Variants in C12orf76 observed in about 807,000 individuals in gnomAD.
C12orf76 encodes uncharacterized protein C12orf76.
A neutral mutation model predicts 6.8 loss-of-function variants in C12orf76; 6 were observed. That is an observed-to-expected ratio of 0.88 (90% confidence interval 0.48 to 1.73). C12orf76 has a LOEUF of 1.73. Ranked by LOEUF, C12orf76 falls within the 40% of genes most tolerant of loss-of-function variation. C12orf76 has a pLI of 0.01. For missense variants in C12orf76, 99 were observed against 98.2 expected (o/e 1.01, Z -0.03); for synonymous variants, 56 against 43.7 (o/e 1.28, Z -1.11).
At chr12:110,073,183 G>C (rs927054315) in intron 1 of C12orf76, among the ~76,000 whole-genome samples, 1 of 152,020 alleles carries the variant, frequency 6.6e-6, no homozygotes, top group Admixed American at 6.6e-5. Context: ...TCTCCCTGGC[G>C]GGCCTGGAGT....
chr12:110,055,397 G>C (rs1892650788), intron 4 of C12orf76, among the ~76,000 whole-genome samples: 1 of 152,060 alleles, frequency 6.6e-6, no homozygotes, highest in African/African-American at 2.4e-5. Flanking sequence ...AGTAGAGACA[G>C]GGTTTCACCA....
At chr12:110,066,073 T>C (rs1892853721) in intron 1 of C12orf76, 1 of 1,476,456 alleles carries the variant, frequency 6.8e-7, no homozygotes, top group Non-Finnish European at 9.0e-7. Context: ...GCAGACCTCA[T>C]GTTTCTATTT....
chr12:110,048,392 G>A lies in C12orf76; in HGVS notation c.104C>T (p.Pro35Leu), dbSNP rs569766304. 2.0e-5 allele frequency: 30 copies of A among 1,515,986 alleles called. No homozygotes were observed. The highest frequency in any genetic ancestry group is 1.0e-4 in the Admixed American group (5 of 49,246). 93.9% of individuals were successfully genotyped at this position (1,515,986 alleles called of 1,614,324 possible). The change falls in exon 1 of 2, where the codon CCG (proline) becomes CTG (leucine). Residue 35 changes from proline to leucine, a missense_variant. Physicochemically the swap from Pro to Leu is moderately conservative, Grantham distance 98 (BLOSUM62 -3). Coordinates refer to ENST00000615315, the MANE Select transcript of C12orf76 (RefSeq NM_001389625.1). ...GTTCTGCCCTCGCAGCACCGCGTACGGCCGGCTCCGCTCCAGCGGATCCAC... is the reference window on the plus strand; with the variant it reads ...GTTCTGCCCTCGCAGCACCGCGTACAGCCGGCTCCGCTCCAGCGGATCCAC... Reference protein sequence around the residue: ...SPVDPLERSRPYAVLRGQNLV... With the variant: ...SPVDPLERSRLYAVLRGQNLV...
chr12:110,050,941 C>A, upstream of C12orf76: 1 of 701,116 alleles, frequency 1.4e-6, no homozygotes, highest in South Asian at 1.5e-5. Context: ...AGAAACCTGA[C>A]CCAATGGCTA....
intron 2 of C12orf76, among the ~76,000 whole-genome samples, chr12:110,059,549 C>T (rs1892734193): frequency 6.6e-6 from 1 of 152,254 alleles, no homozygotes; most frequent in Non-Finnish European, 1.5e-5. Flanking sequence ...AGCTTCTTCA[C>T]ACACCTAAGG....
chr12:110,048,509 G>C lies in C12orf76; in HGVS notation c.-14C>G. ...TGGACGCAGCATCTTCCCCAGCCCT[G>C]CAGAAGCAGAGAGGCCACTTCCGTC... On this transcript the variant is annotated 5_prime_UTR_variant, in exon 1 of 2. Coordinates refer to ENST00000615315, the MANE Select transcript of C12orf76 (RefSeq NM_001389625.1). 1 of 1,409,004 alleles carries C rather than the reference G, an allele frequency of 7.1e-7. No individual in the cohort carries two copies. Among genetic ancestry groups the C allele is most frequent in the Non-Finnish European group, 9.2e-7 (1 of 1,082,592 alleles). 87.3% of individuals were successfully genotyped at this position (1,409,004 alleles called of 1,614,324 possible). A position where few individuals can be genotyped will look rare whatever the true frequency, so the allele number is the denominator to read the frequency against.
chr12:110,060,590 T>A (rs1892753151), intron 2 of C12orf76, among the ~76,000 whole-genome samples: 1 of 152,130 alleles, frequency 6.6e-6, no homozygotes, highest in Non-Finnish European at 1.5e-5. Context: ...TCAGAATCCT[T>A]TGGGGACTTC....
At chr12:110,065,613 T>C (rs781085783) in intron 2 of C12orf76, among the ~76,000 whole-genome samples, 1 of 152,054 alleles carries the variant, frequency 6.6e-6, no homozygotes, top group Admixed American at 6.6e-5. Flanking sequence ...ACCATCCCAT[T>C]CCAGCCCAAG....
intron 1 of C12orf76, chr12:110,067,362 A>C: frequency 1.0e-6 from 1 of 966,442 alleles, no homozygotes; most frequent in South Asian, 4.8e-5. Context: ...ATAGGAGCTC[A>C]ACAATTACCT....
intron 3 of C12orf76, chr12:110,057,370 A>T (rs1011469512): frequency 1.8e-5 from 17 of 935,888 alleles, no homozygotes; most frequent in African/African-American, 3.2e-5. Context: ...CCCTTACCTC[A>T]TGACTAACCC....
chr12:110,057,649 C>T (rs1892692413), intron 3 of C12orf76, among the ~76,000 whole-genome samples: 1 of 152,158 alleles, frequency 6.6e-6, no homozygotes, highest in Non-Finnish European at 1.5e-5. Flanking sequence ...GTTTCTGTAA[C>T]AAATTACCAC....
exon 1 of C12orf76, chr12:110,073,487 G>T: frequency 1.9e-6 from 1 of 521,900 alleles, no homozygotes; most frequent in South Asian, 1.4e-5. Context: ...TTTGGATCCG[G>T]GCGACTTTGT....
intron 2 of C12orf76, among the ~76,000 whole-genome samples, chr12:110,062,232 C>T (rs901342013): frequency 1.3e-5 from 2 of 152,148 alleles, no homozygotes; most frequent in Non-Finnish European, 2.9e-5. Context: ...CCACTCCACT[C>T]CAGCCTGAGT....
At chr12:110,055,153 A>T (rs1892646721) in intron 4 of C12orf76, among the ~76,000 whole-genome samples, 1 of 151,810 alleles carries the variant, frequency 6.6e-6, no homozygotes, top group Admixed American at 6.6e-5. Flanking sequence ...GTCAAGAAAG[A>T]TGTTGAGCTA....
intron 1 of C12orf76, among the ~76,000 whole-genome samples, chr12:110,046,260 T>C (rs1892446262): frequency 6.6e-6 from 1 of 152,076 alleles, no homozygotes; most frequent in African/African-American, 2.4e-5. Flanking sequence ...ACCCCATCTC[T>C]ACTAAAAATA....
chr12:110,057,369 C>T, intron 3 of C12orf76: 1 of 938,334 alleles, frequency 1.1e-6, no homozygotes, highest in South Asian at 1.4e-5. Context: ...TCCCTTACCT[C>T]ATGACTAACC....
intron 1 of C12orf76, chr12:110,066,172 G>T (rs1892855576): frequency 1.6e-6 from 2 of 1,225,156 alleles, no homozygotes; most frequent in Non-Finnish European, 2.1e-6. Flanking sequence ...AGGAGTTCAA[G>T]ACCAGCCTGG....
At chr12:110,068,259 G>GAAGAAGAAGAAGAAGAA (rs1892905971), upstream of C12orf76, among the ~76,000 whole-genome samples, 1 of 86,284 alleles carries the variant, frequency 1.2e-5, no homozygotes, top group African/African-American at 4.6e-5. Context: ...AGAAGAAGAA[G>GAAGAAGAAGAAGAAGAA]AAGAAGAAGA....
chr12:110,071,839 G>A (rs1313572933), upstream of C12orf76, among the ~76,000 whole-genome samples: 2 of 152,134 alleles, frequency 1.3e-5, no homozygotes, highest in Admixed American at 6.5e-5. Context: ...GGAGAAACTG[G>A]ACCCCTCATA....
Sources: gnomAD v4.1 joint callset for allele counts (sites outside exome capture counted in the v4.1 genomes callset) on GRCh38, gnomAD v4.1.1 for gene constraint, MANE v1.5 for transcripts, NCBI Gene and HGNC (gene_info 2026-07-23, HGNC 2026-07-21) for gene names.